Variants in OR10K1 observed in about 807,000 individuals in gnomAD.
OR10K1 encodes the protein olfactory receptor 10K1.
For missense variants in OR10K1, 404 were observed against 373.3 expected (o/e 1.08, Z -0.68); for synonymous variants, 186 against 152.5 (o/e 1.22, Z -1.62).
chr1:158,465,734 C>G lies in OR10K1; in HGVS notation c.173C>G (p.Pro58Arg), dbSNP rs144744246. 2.0e-5 allele frequency: 32 copies of G among 1,614,080 alleles called. No homozygotes were observed. The highest frequency in any genetic ancestry group is 5.0e-5 in the Admixed American group (3 of 59,994). Residue 58 changes from proline (P) to arginine (R), a missense_variant, in exon 2 of 2, where the codon CCC becomes CGC. Pro to Arg is a moderately radical substitution (Grantham distance 103, BLOSUM62 -2). Coordinates refer to ENST00000641535, the MANE Select transcript of OR10K1 (RefSeq NM_001004473.2). ...TIVLDRALHT[P>R]MYFFLAILSC... is the part of the protein sequence containing the mutation. ...GTGCTGGACAGAGCCCTTCATACTC[C>G]CATGTACTTCTTCCTTGCCATCCTT...
intron 1 of OR10K1, 114 bp from the exon 2 acceptor site, chr1:158,465,292 T>A: frequency 2.0e-6 from 1 of 494,000 alleles, no homozygotes; most frequent in Non-Finnish European, 3.6e-6. Context: ...AGGAAAACTA[T>A]TAGCAAATTT....
rs750778345 is a variant in OR10K1, at chr1:158,466,458, A to G, written c.897A>G (p.Ser299=). ...GTCTGAGAAATAAGGAATTCAAATCAGCCCTACGAAGAACAATCGGCCAAA... is the reference window on the plus strand; with the variant it reads ...GTCTGAGAAATAAGGAATTCAAATCGGCCCTACGAAGAACAATCGGCCAAA... ...IYSLRNKEFK[S]ALRRTIGQTF... The change falls in exon 2 of 2, where the codon TCA becomes TCG. Residue 299 remains serine, a synonymous_variant. Coordinates refer to ENST00000641535, the MANE Select transcript of OR10K1 (RefSeq NM_001004473.2). 1 of 1,614,108 alleles carries G rather than the reference A, an allele frequency of 6.2e-7. No homozygotes were observed. Among genetic ancestry groups the G allele is most frequent in the South Asian group, 1.1e-5 (1 of 91,064 alleles).
At chr1:158,464,901 G>C (rs1656002534) in intron 1 of OR10K1, among the ~76,000 whole-genome samples, 1 of 152,082 alleles carries the variant, frequency 6.6e-6, no homozygotes, top group African/African-American at 2.4e-5. Context: ...CACCCACCTT[G>C]GCTTCTCAAA....
At chr1:158,463,035 C>T (rs1292663858) in intron 1 of OR10K1, among the ~76,000 whole-genome samples, 1 of 152,096 alleles carries the variant, frequency 6.6e-6, no homozygotes, top group Admixed American at 6.6e-5. Flanking sequence ...GTCAAAATTC[C>T]TCTGTAAAAT....
chr1:158,463,296 AG>A (rs1405559171), intron 1 of OR10K1, among the ~76,000 whole-genome samples: 5 of 152,200 alleles, frequency 3.3e-5, no homozygotes, highest in Admixed American at 3.3e-4. Flanking sequence ...TCTTTCTATC[AG>A]TACAGATGAC....
At position 158,467,018 on chromosome 1, in the gene OR10K1, C is replaced by T. The variant is rs1047864225; in HGVS notation, c.*515C>T. 6.5e-6 allele frequency: 1 copy of T among 153,630 alleles called. No homozygotes were observed. The highest frequency in any genetic ancestry group is 2.4e-5 in the African/African-American group (1 of 41,384). 9.5% of individuals were successfully genotyped at this position (153,630 alleles called of 1,614,324 possible). ...TTTGTCCCCAATTCATTTCCTTAAC[C>T]TACATATTGAAATATCTTGGCCTTT... On this transcript the variant is annotated 3_prime_UTR_variant, in exon 2 of 2. Transcript: ENST00000641535.
At chr1:158,463,240 T>C (rs76562983) in intron 1 of OR10K1, among the ~76,000 whole-genome samples, 5,467 of 152,306 alleles carry the variant, frequency 0.036, 331 homozygotes, top group African/African-American at 0.12. Flanking sequence ...TTTTACAGCT[T>C]GAACGTATTT....
chr1:158,463,317 T>C (rs1470481467), intron 1 of OR10K1, among the ~76,000 whole-genome samples: 5 of 152,182 alleles, frequency 3.3e-5, no homozygotes, highest in Non-Finnish European at 7.3e-5. Flanking sequence ...CAACACACTA[T>C]GGTGGTCCCT....
Position 158,466,232 on chromosome 1 carries a change from C to A in OR10K1, c.671C>A (p.Ala224Asp), listed in dbSNP as rs1409976761. 4.3e-6 allele frequency: 7 copies of A among 1,614,050 alleles called. No individual in the cohort carries two copies. The highest frequency in any genetic ancestry group is 1.3e-5 in the African/African-American group (1 of 74,922). ...GTCTCCTACATCCGCATCATCTCTG[C>A]CATTCTAAAAATCCCTTCCTCCGTT... ...ILVSYIRIIS[A>D]ILKIPSSVGR... Residue 224 changes from alanine to aspartate, a missense_variant, in exon 2 of 2, where the codon GCC (alanine) becomes GAC (aspartate). Ala to Asp is a moderately radical substitution (Grantham distance 126, BLOSUM62 -2). Transcript: ENST00000641535.
At chr1:158,463,472 A>T (rs762077524) in intron 1 of OR10K1, among the ~76,000 whole-genome samples, 8 of 152,252 alleles carry the variant, frequency 5.3e-5, no homozygotes, top group Non-Finnish European at 1.2e-4. Flanking sequence ...CCACTGGACT[A>T]GAATCAGCTG....
intron 1 of OR10K1, among the ~76,000 whole-genome samples, chr1:158,464,545 A>C (rs1655992339): frequency 6.6e-6 from 1 of 152,238 alleles, no homozygotes. Flanking sequence ...ACAAAATGCC[A>C]CAAAGTCAGT....
intron 1 of OR10K1, among the ~76,000 whole-genome samples, chr1:158,464,300 G>T (rs9651046): frequency 0.51 from 78,061 of 151,998 alleles, 21,091 homozygotes; most frequent in Non-Finnish European, 0.59. Flanking sequence ...GAAATAATTT[G>T]TAATGGCAGT....
At chr1:158,462,202 C>T (rs998597851) in intron 1 of OR10K1, among the ~76,000 whole-genome samples, 2 of 151,716 alleles carry the variant, frequency 1.3e-5, no homozygotes, top group African/African-American at 4.8e-5. Flanking sequence ...ATTTCTTGAA[C>T]CTGGGAGGCA....
At chr1:158,464,794 G>A (rs1206746911) in intron 1 of OR10K1, among the ~76,000 whole-genome samples, 1 of 152,082 alleles carries the variant, frequency 6.6e-6, no homozygotes, top group Non-Finnish European at 1.5e-5. Context: ...GATTACAGGT[G>A]TGTGCTGCCA....
chr1:158,463,701 C>T (rs1278159270), intron 1 of OR10K1, among the ~76,000 whole-genome samples: 2 of 152,042 alleles, frequency 1.3e-5, no homozygotes, highest in Admixed American at 1.3e-4. Context: ...TAAGCAATGA[C>T]CATAAGTTTA....
rs771477610 is a variant in OR10K1 at position 158,465,740 on chromosome 1, A to T, written c.179A>T (p.Tyr60Phe). ...GACAGAGCCCTTCATACTCCCATGTACTTCTTCCTTGCCATCCTTTCTTGC... is the reference window on the plus strand; with the variant it reads ...GACAGAGCCCTTCATACTCCCATGTTCTTCTTCCTTGCCATCCTTTCTTGC... ...VLDRALHTPM[Y>F]FFLAILSCSE... Residue 60 changes from tyrosine to phenylalanine, a missense_variant, in exon 2 of 2, where the codon TAC (tyrosine) becomes TTC (phenylalanine). Coordinates refer to ENST00000641535, the MANE Select transcript of OR10K1 (RefSeq NM_001004473.2). The T allele has an allele frequency of 4.3e-6, 7 of 1,614,114 alleles. No individual in the cohort carries two copies. Among genetic ancestry groups the T allele is most frequent in the Non-Finnish European group, 5.9e-6 (7 of 1,180,004 alleles).
At chr1:158,464,859 G>A (rs1656001744) in intron 1 of OR10K1, among the ~76,000 whole-genome samples, 1 of 152,042 alleles carries the variant, frequency 6.6e-6, no homozygotes, top group African/African-American at 2.4e-5. Context: ...ATGTTGCCGA[G>A]GCTGGTCTTG....
rs76205582 is a variant in OR10K1 at position 158,465,783 on chromosome 1, C to A, written c.222C>A (p.Thr74=). ...AILSCSEICY[T]FVIVPKMLVD... ...TTTCTTGCTCTGAGATTTGCTATAC[C>A]TTTGTCATTGTACCCAAGATGCTGG... Residue 74 remains threonine (T), a synonymous_variant, in exon 2 of 2, where the codon ACC becomes ACA. Coordinates refer to ENST00000641535, the MANE Select transcript of OR10K1 (RefSeq NM_001004473.2). The A allele has an allele frequency of 4.3e-6, 7 of 1,614,150 alleles. No homozygotes were observed. Among genetic ancestry groups the A allele is most frequent in the South Asian group, 1.1e-5 (1 of 91,092 alleles).
Position 158,466,841 on chromosome 1 carries a change from G to T in OR10K1, c.*338G>T. On this transcript the variant is annotated 3_prime_UTR_variant, in exon 2 of 2. Transcript: ENST00000641535. The stretch of plus-strand genomic sequence containing the variant: ...GAAGTAGAGAGCTTGGATACATCAG[G>T]AAAGAAAAGATGTATCCAAAAAAAA... 7.9e-6 allele frequency: 1 copy of T among 126,574 alleles called. No homozygotes were observed. The highest frequency in any genetic ancestry group is 3.1e-5 in the African/African-American group (1 of 32,206). 7.8% of individuals were successfully genotyped at this position (126,574 alleles called of 1,614,324 possible). A position where few individuals can be genotyped will look rare whatever the true frequency, so the allele number is the denominator to read the frequency against.
Sources: allele counts gnomAD v4.1 joint callset (sites outside exome capture counted in the v4.1 genomes callset), GRCh38; gene constraint gnomAD v4.1.1; transcripts MANE v1.5; gene names NCBI Gene and HGNC (gene_info 2026-07-23, HGNC 2026-07-21).